Variants in USP15 observed in about 807,000 individuals in gnomAD.
USP15 encodes the protein ubiquitin carboxyl-terminal hydrolase 15.
Under a neutral mutation model 127.1 loss-of-function variants are expected in USP15, and 18 were observed. The ratio of observed to expected loss-of-function variants is 0.14; its 90% CI spans 0.10 to 0.21. The LOEUF (loss-of-function observed/expected upper bound fraction) is 0.21, where lower values mean the gene tolerates loss of function less well. Ranked by LOEUF, USP15 falls within the 10% of genes least tolerant of loss-of-function variation. The pLI, the probability that USP15 is intolerant of heterozygous loss-of-function variation, is 1.00. For missense variants in USP15, 805 were observed against 1,159.9 expected (o/e 0.69, Z 4.44); for synonymous variants, 364 against 393.7 (o/e 0.92, Z 0.89).
intron 5 of USP15, among the ~76,000 whole-genome samples, chr12:62,324,997 C>T (rs1336902780): frequency 2.0e-5 from 3 of 151,860 alleles, no homozygotes; most frequent in Non-Finnish European, 2.9e-5. Context: ...ATTTATTTCA[C>T]GTCATATTGT....
In USP15 at chr12:62,300,313, G is replaced by C. The variant is rs548453759; in HGVS notation, c.218-2477G>C. ...CATTTACAGCATTGGTCTACTTTAAGTTAGTTTTGTATATGGTGTGCAGTA... is the reference window on the plus strand; with the variant it reads ...CATTTACAGCATTGGTCTACTTTAACTTAGTTTTGTATATGGTGTGCAGTA... On this transcript the variant is annotated intron_variant, in intron 2 of 21. Coordinates refer to ENST00000280377, the MANE Select transcript of USP15 (RefSeq NM_001252078.2). Among the ~76,000 whole-genome samples the C allele has an allele frequency of 5.3e-5, 8 of 152,164 alleles. No individual in the cohort carries two copies. The East Asian group carries it at 1.5e-3, about 29-fold the overall frequency.
At chr12:62,359,067 G>A (rs113756594) in intron 8 of USP15, among the ~76,000 whole-genome samples, 32 of 150,818 alleles carry the variant, frequency 2.1e-4, no homozygotes, top group African/African-American at 4.4e-4. Flanking sequence ...TTAAGTTACC[G>A]TGGAAAGTTT....
At chr12:62,301,501 G>A (rs1259707484) in intron 2 of USP15, among the ~76,000 whole-genome samples, 2 of 152,026 alleles carry the variant, frequency 1.3e-5, no homozygotes, top group Non-Finnish European at 2.9e-5. Flanking sequence ...ATCCCACTCA[G>A]CAATTAAAAG....
At chr12:62,350,091 TAG>T (rs2065923802) in intron 7 of USP15, among the ~76,000 whole-genome samples, 2 of 148,910 alleles carry the variant, frequency 1.3e-5, no homozygotes, top group African/African-American at 5.2e-5. Context: ...ACTAACATAT[TAG>T]TATTAGATAT....
intron 1 of USP15, among the ~76,000 whole-genome samples, chr12:62,270,165 GT>G (rs1033977879): frequency 4.6e-5 from 7 of 151,976 alleles, no homozygotes; most frequent in Non-Finnish European, 8.8e-5. Flanking sequence ...TTGGCCATTT[GT>G]ATGTCTTTTG....
rs773612931 is a variant in USP15, at chr12:62,404,249, C to T, written c.2820C>T (p.Gly940=). ...YQRQDTFSGT[G]FFPLDRETKG... ...GACAAGACACTTTCAGTGGAACTGG[C>T]TTTTTTCCTCTTGACCGAGAAACTA... Residue 940 remains glycine (G), a synonymous_variant, in exon 22 of 22, where the codon GGC becomes GGT. Transcript: ENST00000280377. 2 of 1,613,268 alleles carry T rather than the reference C, an allele frequency of 1.2e-6. No homozygotes were observed. Among genetic ancestry groups the T allele is most frequent in the South Asian group, 2.2e-5 (2 of 91,060 alleles).
intron 3 of USP15, among the ~76,000 whole-genome samples, chr12:62,308,517 T>A (rs2064556543): frequency 6.6e-6 from 1 of 152,072 alleles, no homozygotes. Flanking sequence ...TCCCCTCGGA[T>A]CACTCACTCT....
intron 1 of USP15, among the ~76,000 whole-genome samples, chr12:62,266,439 A>G (rs1000057941): frequency 2.0e-5 from 3 of 152,162 alleles, no homozygotes; most frequent in Non-Finnish European, 4.4e-5. Flanking sequence ...CCTAGAGATA[A>G]CTCTTAAAGA....
At chr12:62,290,914 T>C (rs1198558016) in intron 1 of USP15, among the ~76,000 whole-genome samples, 1 of 152,196 alleles carries the variant, frequency 6.6e-6, no homozygotes, top group East Asian at 1.9e-4. Context: ...AGTTTTTTTT[T>C]TCTTTAAGCC....
chr12:62,266,977 TAAG>T (rs2137035125), intron 1 of USP15, among the ~76,000 whole-genome samples: 1 of 152,286 alleles, frequency 6.6e-6, no homozygotes, highest in South Asian at 2.1e-4. Flanking sequence ...TATCTAATAC[TAAG>T]AATAGATCCT....
chr12:62,367,476 C>T (rs2066516844), intron 8 of USP15, among the ~76,000 whole-genome samples: 1 of 152,136 alleles, frequency 6.6e-6, no homozygotes, highest in Non-Finnish European at 1.5e-5. Flanking sequence ...ATCCGCCTGC[C>T]TTGGCCTCCC....
chr12:62,348,088 A>G (rs10877828), intron 6 of USP15, among the ~76,000 whole-genome samples: 60,352 of 151,898 alleles, frequency 0.4, 12,533 homozygotes, highest in East Asian at 0.55. Flanking sequence ...ACACGCCTAT[A>G]GTTTCAGTTT....
chr12:62,297,313 C>T (rs1365767386), intron 2 of USP15, among the ~76,000 whole-genome samples: 1 of 152,074 alleles, frequency 6.6e-6, no homozygotes, highest in Non-Finnish European at 1.5e-5. Context: ...GAGTGTACCC[C>T]CAGTGTTCCA....
intron 18 of USP15, among the ~76,000 whole-genome samples, chr12:62,392,720 T>C (rs938684396): frequency 2.0e-5 from 3 of 152,272 alleles, no homozygotes; most frequent in African/African-American, 4.8e-5. Flanking sequence ...GTGGTGTTAT[T>C]CCATTAGAGC....
At chr12:62,269,394 A>G (rs2063288639) in intron 1 of USP15, among the ~76,000 whole-genome samples, 1 of 151,958 alleles carries the variant, frequency 6.6e-6, no homozygotes, top group South Asian at 2.1e-4. Flanking sequence ...AAACATAGAA[A>G]AGGTAGAGTA....
At chr12:62,278,239 C>T (rs986710491) in intron 1 of USP15, among the ~76,000 whole-genome samples, 7 of 152,100 alleles carry the variant, frequency 4.6e-5, no homozygotes, top group Non-Finnish European at 8.8e-5. Context: ...ATGGAGCTGT[C>T]ATCTCCTGTG....
chr12:62,343,846 G>A (rs1346870082), intron 6 of USP15, among the ~76,000 whole-genome samples: 1 of 152,044 alleles, frequency 6.6e-6, no homozygotes, highest in African/African-American at 2.4e-5. Context: ...TGGCCATCTT[G>A]GCCCCTCCCC....
intron 5 of USP15, among the ~76,000 whole-genome samples, chr12:62,321,945 C>T (rs1211686094): frequency 6.6e-6 from 1 of 152,156 alleles, no homozygotes; most frequent in African/African-American, 2.4e-5. Context: ...AATTACAGTT[C>T]TCTGCAGGCC....
intron 1 of USP15, among the ~76,000 whole-genome samples, chr12:62,287,928 A>T (rs1010477114): frequency 5.3e-5 from 8 of 152,058 alleles, no homozygotes; most frequent in Admixed American, 5.2e-4. Context: ...TGGGCTCTCT[A>T]TTCTGTTCCA....
Sources: allele counts gnomAD v4.1 joint callset (sites outside exome capture counted in the v4.1 genomes callset), GRCh38; gene constraint gnomAD v4.1.1; transcripts MANE v1.5; gene names NCBI Gene and HGNC (gene_info 2026-07-23, HGNC 2026-07-21).